The following ICA1 variants were observed in gnomAD, a reference collection of about 807,000 sequenced individuals.
ICA1 encodes islet cell autoantigen 1.
In ICA1, 40 loss-of-function variants were observed where a neutral mutation model predicts 71.0. The observed-to-expected ratio is 0.56, with a 90% CI of 0.44 to 0.73. ICA1 has a LOEUF of 0.73. Ranked by LOEUF, ICA1 falls within the 30% of genes least tolerant of loss-of-function variation. ICA1 has a pLI of 0.00. For synonymous variants in ICA1, 207 were observed against 209.5 expected (o/e 0.99, Z 0.10); for missense variants, 578 against 576.5 (o/e 1.00, Z -0.03).
chr7:8,202,468 C>T (rs1790060739), intron 6 of ICA1, among the ~76,000 whole-genome samples: 1 of 152,200 alleles, frequency 6.6e-6, no homozygotes. Flanking sequence ...ATTTTGTTAT[C>T]ACTTCTACTT....
At chr7:8,114,176 T>C in intron 13 of ICA1, 132 bp from the exon 14 acceptor site, 1 of 985,320 alleles carries the variant, frequency 1.0e-6, no homozygotes, top group Non-Finnish European at 1.5e-6. Flanking sequence ...GCACTCTCTC[T>C]GACAATAGTT....
Position 8,175,855 on chromosome 7 carries a change from G to C in ICA1, c.580-17203C>G, listed in dbSNP as rs537236046. ...TCTCAACGATGATTCAGGAGAATTGGGCACTCCTAGCATAATCCACTTTTC... is the reference window on the plus strand; with the variant it reads ...TCTCAACGATGATTCAGGAGAATTGCGCACTCCTAGCATAATCCACTTTTC... On this transcript the variant is annotated intron_variant, in intron 6 of 13. Transcript: ENST00000402384. 7.9e-4 allele frequency among the ~76,000 whole-genome samples: 121 copies of C among 152,240 alleles called. 1 individual carries two copies. Among genetic ancestry groups the C allele is most frequent in the Middle Eastern group, 6.8e-3 (2 of 294 alleles).
chr7:8,211,018 G>A (rs1307401252), intron 6 of ICA1, among the ~76,000 whole-genome samples: 4 of 152,150 alleles, frequency 2.6e-5, no homozygotes, highest in African/African-American at 4.8e-5. Context: ...GAGGAAGGCC[G>A]CTGAATCGTA....
At chr7:8,255,012 C>T (rs1455291148) in intron 1 of ICA1, among the ~76,000 whole-genome samples, 2 of 152,158 alleles carry the variant, frequency 1.3e-5, no homozygotes, top group African/African-American at 4.8e-5. Flanking sequence ...CACCCCTGCT[C>T]ACTTCTTTGG....
At chr7:8,142,054 A>T in intron 9 of ICA1, 1 of 1,417,862 alleles carries the variant, frequency 7.1e-7, no homozygotes, top group Non-Finnish European at 9.4e-7. Context: ...TTCTGTAAAT[A>T]TCTAGATGGG....
intron 6 of ICA1, among the ~76,000 whole-genome samples, chr7:8,199,362 T>C (rs1377623754): frequency 3.3e-5 from 5 of 151,884 alleles, no homozygotes; most frequent in Admixed American, 3.3e-4. Context: ...AATAGATGAA[T>C]GGATAAAGAA....
intron 6 of ICA1, among the ~76,000 whole-genome samples, chr7:8,216,883 A>G (rs1325040635): frequency 6.6e-6 from 1 of 152,256 alleles, no homozygotes; most frequent in Non-Finnish European, 1.5e-5. Context: ...TGTGAGGAGT[A>G]AAGGAGGCAA....
intron 8 of ICA1, among the ~76,000 whole-genome samples, chr7:8,150,670 G>T (rs1584573105): frequency 6.6e-6 from 1 of 152,242 alleles, no homozygotes; most frequent in Non-Finnish European, 1.5e-5. Context: ...AGATCGAGAG[G>T]ACTTCATCCC....
At chr7:8,245,363 G>A (rs557553070) in intron 1 of ICA1, among the ~76,000 whole-genome samples, 1 of 143,812 alleles carries the variant, frequency 7.0e-6, no homozygotes, top group South Asian at 2.3e-4. Context: ...AGAACAATGA[G>A]AACACTTGGT....
chr7:8,168,074 C>A (rs1426256427), intron 6 of ICA1, among the ~76,000 whole-genome samples: 1 of 151,984 alleles, frequency 6.6e-6, no homozygotes, highest in Non-Finnish European at 1.5e-5. Context: ...GACCTAGTAG[C>A]ACTAAAGTTT....
At chr7:8,192,410 G>A (rs973748626) in intron 6 of ICA1, among the ~76,000 whole-genome samples, 5 of 152,220 alleles carry the variant, frequency 3.3e-5, no homozygotes, top group Admixed American at 6.5e-5. Flanking sequence ...AAGTCATTCC[G>A]GCTTTTCCTC....
intron 13 of ICA1, among the ~76,000 whole-genome samples, chr7:8,125,930 C>T (rs1390604861): frequency 1.3e-5 from 2 of 152,196 alleles, no homozygotes; most frequent in African/African-American, 4.8e-5. Context: ...TGGTGCCTTT[C>T]CCGTGTATAT....
At chr7:8,227,443 T>C (rs1011159566) in intron 4 of ICA1, among the ~76,000 whole-genome samples, 4 of 151,890 alleles carry the variant, frequency 2.6e-5, no homozygotes, top group African/African-American at 4.8e-5. Flanking sequence ...GGAAGATAAA[T>C]GGGGGAGTGG....
At chr7:8,135,515 G>A (rs1383404751) in intron 12 of ICA1, among the ~76,000 whole-genome samples, 2 of 152,190 alleles carry the variant, frequency 1.3e-5, no homozygotes, top group Non-Finnish European at 2.9e-5. Flanking sequence ...TTTAGAACTT[G>A]CCACTTCGTA....
intron 8 of ICA1, among the ~76,000 whole-genome samples, chr7:8,150,567 C>T (rs755163023): frequency 1.3e-5 from 2 of 152,158 alleles, no homozygotes; most frequent in South Asian, 2.1e-4. Context: ...TATTTGAATC[C>T]GGGTCTTAAA....
At chr7:8,247,003 C>T (rs1199259490) in intron 1 of ICA1, among the ~76,000 whole-genome samples, 1 of 152,060 alleles carries the variant, frequency 6.6e-6, no homozygotes, top group Non-Finnish European at 1.5e-5. Context: ...GCCTTGGCCT[C>T]CCAAAGTGCT....
chr7:8,201,794 A>C (rs1562971651), intron 6 of ICA1, among the ~76,000 whole-genome samples: 4 of 152,212 alleles, frequency 2.6e-5, no homozygotes, highest in Non-Finnish European at 5.9e-5. Context: ...GCCAAATGGA[A>C]GTCCAAGGTA....
chr7:8,127,973 C>G lies in ICA1; in HGVS notation c.1230G>C (p.Met410Ile), dbSNP rs777116490. 6.2e-7 allele frequency: 1 copy of G among 1,614,196 alleles called. No individual in the cohort carries two copies. Among genetic ancestry groups the G allele is most frequent in the African/African-American group, 1.3e-5 (1 of 75,046 alleles). ...CCTTGGGGTCTGGCTCTCCCAGGGC[C>G]ATAGTGGGCACTGGCTCCTTCACTT... ...DGQVKEPVPTMALGEPDPKAQ... is the reference protein window; with the variant it reads ...DGQVKEPVPTIALGEPDPKAQ... The change falls in exon 13 of 14, where the codon ATG becomes ATC. Residue 410 changes from methionine (M) to isoleucine (I), a missense_variant. Transcript: ENST00000402384.
At chr7:8,221,942 T>G (rs771744767) in intron 4 of ICA1, among the ~76,000 whole-genome samples, 3 of 152,108 alleles carry the variant, frequency 2.0e-5, no homozygotes, top group Non-Finnish European at 4.4e-5. Context: ...ACAGTGGGTT[T>G]TAAAAATACA....
Sources: gnomAD v4.1 joint callset for allele counts (sites outside exome capture counted in the v4.1 genomes callset) on GRCh38, gnomAD v4.1.1 for gene constraint, MANE v1.5 for transcripts, NCBI Gene and HGNC (gene_info 2026-07-23, HGNC 2026-07-21) for gene names.